The following ZBED6 variants were observed in gnomAD, a reference collection of about 807,000 sequenced individuals.
ZBED6 encodes the protein zinc finger BED domain-containing protein 6.
Under a neutral mutation model 58.4 loss-of-function variants are expected in ZBED6, and 40 were observed. The ratio of observed to expected loss-of-function variants is 0.68; its 90% confidence interval spans 0.53 to 0.89. ZBED6 has a LOEUF of 0.89. Among genes scored for constraint, ZBED6 ranks in the 40% least tolerant of loss-of-function variants. The pLI is 0.00. For synonymous variants in ZBED6, 439 were observed against 350.6 expected, an observed-to-expected ratio of 1.25 and a Z score of -2.82; for missense variants, 1,057 against 1,003.9, an observed-to-expected ratio of 1.05 and a Z score of -0.71.
intron 1 of ZBED6, among the ~76,000 whole-genome samples, chr1:203,806,830 C>CTTTTTTTTTT (rs373591619): frequency 3.4e-5 from 4 of 117,850 alleles, no homozygotes; most frequent in Non-Finnish European, 5.1e-5. Flanking sequence ...CCTCAGGTTC[C>CTTTTTTTTTT]TTTTTTTTTT....
rs199602009 is a variant in ZBED6, at chr1:203,847,693, A to G, written c.*4245+6A>G. On this transcript the variant is annotated splice_donor_region_variant and intron_variant, in intron 12 of 16. Transcript: ENST00000550078. ...GCGAATCACCAAAAGAACAGGTAAC[A>G]AGAGAACTTGGTCTCTAGTACCACG... 6 of 1,610,158 alleles carry G rather than the reference A, an allele frequency of 3.7e-6. No individual in the cohort carries two copies. In the South Asian group the frequency reaches 4.4e-5, roughly 12 times the overall value.
intron 12 of ZBED6, among the ~76,000 whole-genome samples, 189 bp from the exon 13 acceptor site, chr1:203,848,142 G>T (rs1347358246): frequency 2.0e-5 from 3 of 152,170 alleles, no homozygotes. Flanking sequence ...ACAGGTGTGA[G>T]CCACCATGCC....
chr1:203,854,124 C>A (rs1287504551), exon 17 of ZBED6: 1 of 152,600 alleles, frequency 6.6e-6, no homozygotes, highest in Non-Finnish European at 1.5e-5. Flanking sequence ...GTAGGAAAGT[C>A]TTGATGTTGT....
At chr1:203,823,423 G>A (rs1206148919) in intron 3 of ZBED6, among the ~76,000 whole-genome samples, 1 of 152,202 alleles carries the variant, frequency 6.6e-6, no homozygotes, top group Non-Finnish European at 1.5e-5. Flanking sequence ...TTTCATTGGT[G>A]CTAGCCATAT....
intron 3 of ZBED6, among the ~76,000 whole-genome samples, chr1:203,822,037 G>A (rs898160884): frequency 2.6e-5 from 4 of 152,074 alleles, no homozygotes; most frequent in African/African-American, 7.2e-5. Context: ...GATTACAGGT[G>A]TGAGCCACCG....
chr1:203,838,117 C>A, intron 10 of ZBED6, 53 bp downstream of exon 10: 2 of 1,509,634 alleles, frequency 1.3e-6, no homozygotes, highest in South Asian at 2.3e-5. Context: ...ACACTTGTGT[C>A]TTGTAATGCT....
At chr1:203,837,968 G>A (rs571981678) in exon 10 of ZBED6, 46 of 1,612,136 alleles carry the variant, frequency 2.9e-5, no homozygotes, top group South Asian at 2.4e-4. Context: ...CTTTATAGGC[G>A]GTGACAGTGA....
At chr1:203,825,024 A>C (rs12065846) in intron 3 of ZBED6, among the ~76,000 whole-genome samples, 19,448 of 149,188 alleles carry the variant, frequency 0.13, 1,438 homozygotes, top group Non-Finnish European at 0.15. Context: ...TTTCAGTGAG[A>C]CAAGATTGTG....
exon 17 of ZBED6, chr1:203,852,455 C>T (rs766348941): frequency 6.9e-5 from 110 of 1,589,532 alleles, no homozygotes; most frequent in Middle Eastern, 1.7e-4. Flanking sequence ...GACTTAGTTT[C>T]ATCTATTGTA....
In ZBED6 at chr1:203,839,916, G is replaced by C. The variant is rs150651471; in HGVS notation, c.*3673-390G>C. On this transcript the variant is annotated intron_variant, in intron 10 of 16. Coordinates refer to ENST00000550078, the Ensembl canonical transcript of ZBED6. ...CCTCCCGGGTTCAAACGATTCTCCT[G>C]TCTCAGCCTCCAGAGTATCTGAGAT... Among the ~76,000 whole-genome samples, 492 of 152,116 alleles carry C rather than the reference G, an allele frequency of 3.2e-3. 2 individuals are homozygous for C. The highest frequency in any genetic ancestry group is 0.027 in the Middle Eastern group (8 of 292).
At chr1:203,830,235 T>C in intron 7 of ZBED6, 32 bp downstream of exon 7, 1 of 1,526,826 alleles carries the variant, frequency 6.5e-7, no homozygotes, top group Non-Finnish European at 8.9e-7. Flanking sequence ...TGGATAGTTG[T>C]ATGTTGCTAG....
intron 3 of ZBED6, among the ~76,000 whole-genome samples, chr1:203,824,329 G>A (rs187932491): frequency 6.6e-6 from 1 of 151,356 alleles, no homozygotes; most frequent in East Asian, 1.9e-4. Context: ...ACTTGCATAT[G>A]AATTTTAAAA....
At chr1:203,815,337 C>T (rs1434501888) in intron 1 of ZBED6, among the ~76,000 whole-genome samples, 1 of 147,330 alleles carries the variant, frequency 6.8e-6, no homozygotes, top group African/African-American at 2.5e-5. Flanking sequence ...GCCTCAGCTC[C>T]CCCGTGTAGC....
intron 3 of ZBED6, among the ~76,000 whole-genome samples, chr1:203,819,324 C>T (rs1168231551): frequency 2.0e-5 from 3 of 150,322 alleles, no homozygotes; most frequent in African/African-American, 4.9e-5. Flanking sequence ...CAGGTTCAAG[C>T]GATTCTCCTG....
exon 17 of ZBED6, chr1:203,852,816 G>A (rs1689570287): frequency 5.5e-6 from 1 of 180,184 alleles, no homozygotes; most frequent in Admixed American, 5.5e-5. Flanking sequence ...GATGAAGACA[G>A]CTGCTACCAT....
chr1:203,852,654 C>G (rs753759544), exon 17 of ZBED6: 193 of 483,548 alleles, frequency 4.0e-4, no homozygotes, highest in Non-Finnish European at 6.4e-4. Context: ...ACCCTTCTCT[C>G]CACAAAAAAG....
chr1:203,797,554 C>T (rs896858632), exon 1 of ZBED6: 2 of 1,526,534 alleles, frequency 1.3e-6, no homozygotes, highest in Admixed American at 2.1e-5. Context: ...GTACCAGTTT[C>T]TTCACTCTCT....
chr1:203,817,356 G>A (rs970778875), intron 2 of ZBED6, among the ~76,000 whole-genome samples: 1 of 152,038 alleles, frequency 6.6e-6, no homozygotes, highest in African/African-American at 2.4e-5. Flanking sequence ...AAGGCACGTG[G>A]CATGTAGTCA....
chr1:203,799,200 T>C (rs7552670), exon 1 of ZBED6: 155,665 of 1,103,654 alleles, frequency 0.14, 13,467 homozygotes, highest in Admixed American at 0.31. Context: ...TATCCCTAGC[T>C]TCATTGTTTC....
Sources: gnomAD v4.1 joint callset for allele counts (sites outside exome capture counted in the v4.1 genomes callset) on GRCh38, gnomAD v4.1.1 for gene constraint, MANE v1.5 for transcripts, NCBI Gene and HGNC (gene_info 2026-07-23, HGNC 2026-07-21) for gene names.